Variants in CREBBP observed in about 807,000 individuals in gnomAD.
The protein encoded by CREBBP is CREB-binding protein.
CREBBP carries 19 observed loss-of-function variants against 265.0 expected under a neutral mutation model. The observed-to-expected ratio is 0.07, with a 90% confidence interval of 0.05 to 0.11. The LOEUF is 0.11. Ranked by LOEUF, CREBBP falls within the 10% of genes least tolerant of loss-of-function variation. The pLI, the probability that CREBBP is intolerant of heterozygous loss-of-function variation, is 1.00. For synonymous variants in CREBBP, 1,457 were observed against 1,223.7 expected (o/e 1.19, Z -3.98); for missense variants, 2,525 against 3,219.0 (o/e 0.78, Z 5.22).
At chr16:3,771,650 C>T (rs2053011956) in intron 13 of CREBBP, among the ~76,000 whole-genome samples, 1 of 151,948 alleles carries the variant, frequency 6.6e-6, no homozygotes, top group African/African-American at 2.4e-5. Context: ...ATTTTTGGAT[C>T]TGACAACCAA....
intron 2 of CREBBP, among the ~76,000 whole-genome samples, chr16:3,831,340 T>A (rs1049902072): frequency 2.6e-5 from 4 of 152,108 alleles, no homozygotes; most frequent in African/African-American, 9.7e-5. Flanking sequence ...GTATTAAAAT[T>A]TGAGATGCAA....
chr16:3,864,300 C>T (rs894643511), intron 1 of CREBBP, among the ~76,000 whole-genome samples: 21 of 152,170 alleles, frequency 1.4e-4, no homozygotes, highest in Admixed American at 1.2e-3. Flanking sequence ...CGCGTGGAGG[C>T]GTGTGGGCTA....
chr16:3,726,963 CTCATT>C lies in CREBBP; in HGVS notation c.*750_*754del. Reference sequence around the variant, plus strand: ...ATGATTTACACTAGAATTGCTTTTCCTCATTTCAAGTTTCACATAGAAGAAAGAAA... The same window carrying C: ...ATGATTTACACTAGAATTGCTTTTCCTCAAGTTTCACATAGAAGAAAGAAA... On this transcript the variant is annotated 3_prime_UTR_variant, in exon 31 of 31. Transcript: ENST00000262367. The C allele has an allele frequency of 4.3e-6, 1 of 233,630 alleles. No individual in the cohort carries two copies. Among genetic ancestry groups the C allele is most frequent in the Non-Finnish European group, 8.5e-6 (1 of 118,038 alleles). 14.5% of individuals were successfully genotyped at this position (233,630 alleles called of 1,614,324 possible).
At chr16:3,820,300 A>G (rs1207612039) in intron 2 of CREBBP, among the ~76,000 whole-genome samples, 1 of 152,216 alleles carries the variant, frequency 6.6e-6, no homozygotes, top group Non-Finnish European at 1.5e-5. Context: ...CAGTATATCA[A>G]CTTGGTAAAT....
intron 25 of CREBBP, 141 bp downstream of exon 25, chr16:3,739,437 C>G (rs1461825583): frequency 1.0e-6 from 1 of 956,872 alleles, no homozygotes; most frequent in East Asian, 2.6e-5. Flanking sequence ...ACAAAACTAA[C>G]TACTTTGGTT....
intron 5 of CREBBP, among the ~76,000 whole-genome samples, chr16:3,784,096 G>A (rs1267300933): frequency 3.3e-5 from 5 of 152,084 alleles, no homozygotes; most frequent in Non-Finnish European, 7.3e-5. Context: ...GCATCTTATA[G>A]TGTTGTTGCT....
rs1362847618 is a variant in CREBBP, at chr16:3,738,621, G to A, written c.4332C>T (p.Cys1444=). The change falls in exon 26 of 31, where the codon TGC becomes TGT. Residue 1444 remains cysteine, a synonymous_variant. Coordinates refer to ENST00000262367, the MANE Select transcript of CREBBP (RefSeq NM_004380.3). The part of the protein sequence containing the change: ...LDSIHFFRPR[C]LRTAVYHEIL... The stretch of plus-strand genomic sequence containing the variant: ...TCTCATGGTAAACGGCTGTGCGGAG[G>A]CAACGTGGCCGGAAGAAATGAATAC... The A allele has an allele frequency of 2.5e-6, 4 of 1,614,046 alleles. No individual in the cohort carries two copies. The highest frequency in any genetic ancestry group is 1.7e-5 in the Admixed American group (1 of 60,018).
Position 3,739,600 on chromosome 16 carries a change from C to G in CREBBP, c.4258G>C (p.Asp1420His), listed in dbSNP as rs2151336674. Residue 1420 changes from aspartate to histidine, a missense_variant, in exon 25 of 31, where the codon GAT (aspartate) becomes CAT (histidine). By Grantham distance (81) the Asp-to-His change is moderately conservative (BLOSUM62 -1). Transcript: ENST00000262367. Reference protein sequence around the residue: ...FGMHVQEYGSDCPPPNTRRVY... With the variant: ...FGMHVQEYGSHCPPPNTRRVY... ...TACCTCGTGTTTGGAGGGGGGCAATCAGAGCCGTATTCTTGGACGTGCATT... is the reference window on the plus strand; with the variant it reads ...TACCTCGTGTTTGGAGGGGGGCAATGAGAGCCGTATTCTTGGACGTGCATT... 6.2e-7 allele frequency: 1 copy of G among 1,614,222 alleles called. No individual in the cohort carries two copies. Among genetic ancestry groups the G allele is most frequent in the South Asian group, 1.1e-5 (1 of 91,088 alleles).
rs1417723623 is a variant in CREBBP at position 3,879,932 on chromosome 16, A to G, written c.-16T>C. ...TCTCAGCCATTTTCACCTGCTCGCG[A>G]AAACAGCCCCGGGCACGGGCGGCCG... On this transcript the variant is annotated 5_prime_UTR_variant, in exon 1 of 31. Transcript: ENST00000262367. 2.5e-6 allele frequency: 4 copies of G among 1,609,262 alleles called. No homozygotes were observed. Among genetic ancestry groups the G allele is most frequent in the Non-Finnish European group, 3.4e-6 (4 of 1,177,932 alleles).
At chr16:3,732,741 C>T (rs2051949936) in intron 28 of CREBBP, among the ~76,000 whole-genome samples, 1 of 151,786 alleles carries the variant, frequency 6.6e-6, no homozygotes, top group African/African-American at 2.4e-5. Flanking sequence ...GCTCTTGTCA[C>T]CCAAGCTGAA....
rs1567360627 is a variant in CREBBP at position 3,849,446 on chromosome 16, T to TG, written c.798+850dup. Among the ~76,000 whole-genome samples the TG allele has an allele frequency of 7.9e-3, 267 of 33,668 alleles. 26 individuals carry two copies. The highest frequency in any genetic ancestry group is 0.019 in the Non-Finnish European group (196 of 10,142). The allele number at this position is 33,668 out of a possible 152,430, so 22.1% of individuals were successfully genotyped here. ...GTGTGTGTGTGTGTGTGTGTGTGTG[T>TG]GTGTGTGTGTGTGTGTGTGTGTGTG... On this transcript the variant is annotated intron_variant, in intron 2 of 30. Coordinates refer to ENST00000262367, the MANE Select transcript of CREBBP (RefSeq NM_004380.3).
chr16:3,783,083 G>C (rs983240791), intron 5 of CREBBP, among the ~76,000 whole-genome samples, 157 bp from the exon 6 acceptor site: 9 of 152,214 alleles, frequency 5.9e-5, no homozygotes, highest in African/African-American at 2.2e-4. Context: ...GAAAGGAACT[G>C]TGCTGAAGGA....
At chr16:3,733,141 T>C (rs2051961030) in intron 28 of CREBBP, among the ~76,000 whole-genome samples, 1 of 151,712 alleles carries the variant, frequency 6.6e-6, no homozygotes, top group East Asian at 2.0e-4. Context: ...GGCAGGCGGA[T>C]CTCGAGGTCA....
intron 7 of CREBBP, 65 bp downstream of exon 7, chr16:3,781,139 G>A: frequency 1.4e-6 from 2 of 1,422,992 alleles, no homozygotes; most frequent in Non-Finnish European, 2.0e-6. Context: ...GAAAGAATCA[G>A]TTTTGTGTGG....
chr16:3,746,469 A>C lies in CREBBP; in HGVS notation c.3837-1115T>G, dbSNP rs530042542. Reference sequence around the variant, plus strand: ...CACGTGGCAGCTGCTCTGAATCTGCACTCCTTTCCTCCAGTGCTTATCCTC... The same window carrying C: ...CACGTGGCAGCTGCTCTGAATCTGCCCTCCTTTCCTCCAGTGCTTATCCTC... On this transcript the variant is annotated intron_variant, in intron 21 of 30. Transcript: ENST00000262367. Among the ~76,000 whole-genome samples, 6 of 151,940 alleles carry C rather than the reference A, an allele frequency of 3.9e-5. No individual in the cohort carries two copies. In the South Asian group the frequency reaches 1.2e-3, roughly 32 times the overall value.
chr16:3,750,665 T>C (rs1212835547), intron 20 of CREBBP, among the ~76,000 whole-genome samples: 1 of 152,202 alleles, frequency 6.6e-6, no homozygotes, highest in African/African-American at 2.4e-5. Context: ...TTTAACCCTG[T>C]GCAGGAGTGA....
At chr16:3,803,910 T>A (rs1438628815) in intron 3 of CREBBP, among the ~76,000 whole-genome samples, 1 of 151,798 alleles carries the variant, frequency 6.6e-6, no homozygotes, top group Non-Finnish European at 1.5e-5. Flanking sequence ...GCGAAACCTG[T>A]CTCTACCAAA....
chr16:3,875,630 C>A (rs1259043765), intron 1 of CREBBP, among the ~76,000 whole-genome samples: 2 of 152,324 alleles, frequency 1.3e-5, no homozygotes, highest in South Asian at 4.1e-4. Flanking sequence ...TGGCAGGTTC[C>A]TGGGTCGATT....
Position 3,778,736 on chromosome 16 carries a change from T to C in CREBBP, c.1905A>G (p.Lys635=). The change falls in exon 9 of 31, where the codon AAA becomes AAG. Residue 635 remains lysine (K), a synonymous_variant. Coordinates refer to ENST00000262367, the MANE Select transcript of CREBBP (RefSeq NM_004380.3). ...RMENLVAYAK[K]VEGDMYESAN... ...CAGACTCGTACATGTCCCCTTCCAC[T>C]TTCTTAGCATAGGCTACCAGGTTTT... The C allele has an allele frequency of 6.2e-7, 1 of 1,614,106 alleles. No homozygotes were observed. Among genetic ancestry groups the C allele is most frequent in the Non-Finnish European group, 8.5e-7 (1 of 1,179,962 alleles).
Sources: allele counts gnomAD v4.1 joint callset (sites outside exome capture counted in the v4.1 genomes callset), GRCh38; gene constraint gnomAD v4.1.1; transcripts MANE v1.5; gene names NCBI Gene and HGNC (gene_info 2026-07-23, HGNC 2026-07-21).